The following NPY2R variants were observed in gnomAD, a reference collection of about 807,000 sequenced individuals.
NPY2R encodes the protein neuropeptide Y receptor type 2.
A neutral mutation model predicts 22.3 loss-of-function variants in NPY2R; 17 were observed. That is an observed-to-expected ratio of 0.76 (90% CI 0.52 to 1.14). NPY2R has a LOEUF of 1.14. NPY2R is among the 50% of genes most tolerant of loss of function. The pLI is 0.00. For missense variants in NPY2R, 424 were observed against 467.9 expected (o/e 0.91, Z 0.87); for synonymous variants, 209 against 183.4 (o/e 1.14, Z -1.13).
chr4:155,204,320 A>C (rs938783879), upstream of NPY2R, among the ~76,000 whole-genome samples: 4 of 152,092 alleles, frequency 2.6e-5, no homozygotes, highest in African/African-American at 9.7e-5. Flanking sequence ...TCCCCACTTC[A>C]ATCTTCCCCA....
At chr4:155,174,647 A>T in the NPY2R span, among the ~76,000 whole-genome samples, 1 of 151,792 alleles carries the variant, frequency 6.6e-6, no homozygotes, top group Non-Finnish European at 1.5e-5. Context: ...ATACATCCCC[A>T]TTCTGGGAAG....
the NPY2R span, among the ~76,000 whole-genome samples, chr4:155,187,571 T>A: frequency 1.3e-5 from 2 of 151,208 alleles, no homozygotes; most frequent in Non-Finnish European, 3.0e-5. Flanking sequence ...AGAGAGAGAG[T>A]CTTGCCCTTA....
the NPY2R span, among the ~76,000 whole-genome samples, chr4:155,190,799 G>A: frequency 6.6e-6 from 1 of 151,826 alleles, no homozygotes; most frequent in African/African-American, 2.4e-5. Context: ...TGAAAAGGCA[G>A]GCGATTCAAT....
intron 1 of NPY2R, among the ~76,000 whole-genome samples, chr4:155,211,825 AC>A (rs1729410741): frequency 6.6e-6 from 1 of 152,218 alleles, no homozygotes; most frequent in Admixed American, 6.5e-5. Context: ...CGGAACAGGG[AC>A]ACCCTCTGGA....
chr4:155,195,794 C>G, the NPY2R span, among the ~76,000 whole-genome samples: 86,115 of 151,208 alleles, frequency 0.57, 25,408 homozygotes, highest in East Asian at 0.94. Flanking sequence ...GAATGAACCA[C>G]TCAGAGGCTT....
chr4:155,198,156 T>A, the NPY2R span, among the ~76,000 whole-genome samples: 9 of 152,110 alleles, frequency 5.9e-5, no homozygotes, highest in East Asian at 1.7e-3. Flanking sequence ...CAGGTATTGA[T>A]CATGTCTGGG....
In NPY2R at chr4:155,214,512, G is replaced by A; in HGVS notation, c.573G>A (p.Leu191=). The change falls in exon 2 of 2, where the codon CTG becomes CTA. Residue 191 remains leucine (L), a synonymous_variant. Transcript: ENST00000329476. The part of the protein sequence containing the change: ...SPLAIFREYS[L]IEIIPDFEIV... ...TGGCCATCTTCCGGGAGTATTCGCT[G>A]ATTGAGATCATCCCGGACTTTGAGA... is the stretch of plus-strand genomic sequence containing the variant. 2 of 1,614,200 alleles carry A rather than the reference G, an allele frequency of 1.2e-6. No homozygotes were observed. The highest frequency in any genetic ancestry group is 1.7e-6 in the Non-Finnish European group (2 of 1,180,012).
the NPY2R span, among the ~76,000 whole-genome samples, chr4:155,194,274 A>G: frequency 2.6e-5 from 4 of 151,910 alleles, no homozygotes; most frequent in African/African-American, 9.7e-5. Context: ...GGTTCAGGAC[A>G]TACATGTGCA....
At position 155,214,233 on chromosome 4, in the gene NPY2R, G is replaced by C; in HGVS notation, c.294G>C (p.Leu98Phe). ...FIANLAVADL[L>F]VNTLCLPFTL... The stretch of plus-strand genomic sequence containing the variant: ...CCAATCTGGCTGTGGCAGATCTTTT[G>C]GTGAACACTCTGTGTCTACCGTTCA... The change falls in exon 2 of 2, where the codon TTG (leucine) becomes TTC (phenylalanine). Residue 98 changes from leucine to phenylalanine, a missense_variant. Leu to Phe is a conservative substitution (Grantham distance 22, BLOSUM62 0). Transcript: ENST00000329476. 1.2e-6 allele frequency: 2 copies of C among 1,614,072 alleles called. No homozygotes were observed. The highest frequency in any genetic ancestry group is 2.2e-5 in the South Asian group (2 of 91,058).
Position 155,214,006 on chromosome 4 carries a change from G to A in NPY2R, c.67G>A (p.Gly23Arg), listed in dbSNP as rs1189039963. ...GGAAGAAATGAAGGTGGAACAATAC[G>A]GGCCACAAACAACTCCTAGAGGTGA... ...TVEEMKVEQY[G>R]PQTTPRGELV... is the part of the protein sequence containing the mutation. Residue 23 changes from glycine (G) to arginine (R), a missense_variant, in exon 2 of 2, where the codon GGG (glycine) becomes AGG (arginine). Transcript: ENST00000329476. 6.2e-6 allele frequency: 10 copies of A among 1,613,908 alleles called. No homozygotes were observed. The highest frequency in any genetic ancestry group is 2.2e-5 in the East Asian group (1 of 44,882).
intron 1 of NPY2R, among the ~76,000 whole-genome samples, chr4:155,210,215 A>G (rs1729375702): frequency 6.6e-6 from 1 of 150,700 alleles, no homozygotes; most frequent in Admixed American, 6.6e-5. Flanking sequence ...TCATGAAATG[A>G]TGCATTTTCT....
chr4:155,204,991 C>T (rs1201949085), upstream of NPY2R, among the ~76,000 whole-genome samples: 3 of 152,070 alleles, frequency 2.0e-5, no homozygotes. Flanking sequence ...TCTGTAAAGG[C>T]CATTTCACAT....
chr4:155,214,710 C>A lies in NPY2R; in HGVS notation c.771C>A (p.Asp257Glu). The A allele has an allele frequency of 6.2e-7, 1 of 1,614,220 alleles. No individual in the cohort carries two copies. Residue 257 changes from aspartate (D) to glutamate (E), a missense_variant, in exon 2 of 2, where the codon GAC becomes GAA. Asp to Glu is a conservative substitution (Grantham distance 45, BLOSUM62 2). Transcript: ENST00000329476. The part of the protein sequence containing the change: ...KNHVSPGAAN[D>E]HYHQRRQKTT... ...ATGTCAGTCCTGGAGCTGCAAATGA[C>A]CACTACCATCAGCGAAGGCAAAAAA...
the NPY2R span, among the ~76,000 whole-genome samples, chr4:155,175,739 T>C: frequency 3.3e-5 from 5 of 152,228 alleles, no homozygotes; most frequent in South Asian, 1.0e-3. Context: ...ACTAATTTTC[T>C]GTTTGTTCCA....
At chr4:155,175,593 G>T in the NPY2R span, among the ~76,000 whole-genome samples, 1 of 151,998 alleles carries the variant, frequency 6.6e-6, no homozygotes, top group Non-Finnish European at 1.5e-5. Context: ...GTTGCAATAT[G>T]CATATAATAG....
chr4:155,180,013 G>GC, the NPY2R span, among the ~76,000 whole-genome samples: 4 of 146,270 alleles, frequency 2.7e-5, no homozygotes, highest in Non-Finnish European at 6.1e-5. Context: ...ATTTTATTTT[G>GC]TTTTTTTTTT....
chr4:155,188,387 T>C, the NPY2R span, among the ~76,000 whole-genome samples: 3 of 152,136 alleles, frequency 2.0e-5, no homozygotes, highest in African/African-American at 7.2e-5. Context: ...TTTTCAAACT[T>C]GTGTGTTCAT....
the NPY2R span, among the ~76,000 whole-genome samples, chr4:155,201,562 A>C: frequency 0.11 from 15,987 of 152,098 alleles, 990 homozygotes; most frequent in East Asian, 0.17. Flanking sequence ...GTTTTAAGCC[A>C]CTGAGTTTTG....
At position 155,214,653 on chromosome 4, in the gene NPY2R, C is replaced by T. The variant is rs754975270; in HGVS notation, c.714C>T (p.Ser238=). ...TGCCTCTGGGCATTATATCATTTTC[C>T]TACACTCGCATTTGGAGTAAATTGA... ...YVLPLGIISF[S]YTRIWSKLKN... is the part of the protein sequence containing the mutation. The change falls in exon 2 of 2, where the codon TCC becomes TCT. Residue 238 remains serine, a synonymous_variant. Transcript: ENST00000329476. 3.7e-6 allele frequency: 6 copies of T among 1,614,094 alleles called. No homozygotes were observed. The Admixed American group carries it at 1.0e-4, about 27-fold the overall frequency.
Sources: allele counts gnomAD v4.1 joint callset (sites outside exome capture counted in the v4.1 genomes callset), GRCh38; gene constraint gnomAD v4.1.1; transcripts MANE v1.5; gene names NCBI Gene and HGNC (gene_info 2026-07-23, HGNC 2026-07-21).